TEKT5: variants seen among roughly 807,000 people sequenced by gnomAD.
TEKT5 encodes tektin-5.
A neutral mutation model predicts 48.7 loss-of-function variants in TEKT5; 52 were observed. That is an observed-to-expected ratio of 1.07 (90% CI 0.86 to 1.35). The LOEUF is 1.35. Ranked by LOEUF, TEKT5 falls within the 40% of genes most tolerant of loss-of-function variation. TEKT5 has a pLI of 0.00. For synonymous variants in TEKT5, 318 were observed against 267.6 expected, an observed-to-expected ratio of 1.19 and a Z score of -1.84; for missense variants, 831 against 641.6, an observed-to-expected ratio of 1.30 and a Z score of -3.19.
At chr16:10,646,903 G>C (rs182396668) in intron 5 of TEKT5, among the ~76,000 whole-genome samples, 1 of 152,198 alleles carries the variant, frequency 6.6e-6, no homozygotes, top group African/African-American at 2.4e-5. Context: ...AACACTCAAT[G>C]CGGCAACACC....
rs1349859378 is a variant in TEKT5, at chr16:10,627,537, C to T, written c.*46G>A. The T allele has an allele frequency of 6.3e-7, 1 of 1,598,200 alleles. No homozygotes were observed. Among genetic ancestry groups the T allele is most frequent in the Non-Finnish European group, 8.6e-7 (1 of 1,166,686 alleles). On this transcript the variant is annotated 3_prime_UTR_variant, in exon 7 of 7. Transcript: ENST00000283025. ...ATACTGTTTTACTTTGTTTCTCAGC[C>T]TTTTCCAATTTTACGCCAGCGCGGA...
chr16:10,660,603 C>T (rs906008521), intron 5 of TEKT5, among the ~76,000 whole-genome samples: 1 of 152,038 alleles, frequency 6.6e-6, no homozygotes, highest in East Asian at 1.9e-4. Flanking sequence ...CACACATGCC[C>T]AGAGCCGCCA....
chr16:10,681,978 G>A lies in TEKT5; in HGVS notation c.863+15C>T, dbSNP rs1429805669. On this transcript the variant is annotated intron_variant, in intron 4 of 6. Transcript: ENST00000283025. ...TGGACACGCCAGGGATGGGGAGGGG[G>A]AGTCTGATACTTACGTGCCGTCAAT... 3 of 1,612,712 alleles carry A rather than the reference G, an allele frequency of 1.9e-6. No individual in the cohort carries two copies. The highest frequency in any genetic ancestry group is 1.7e-5 in the Admixed American group (1 of 59,984).
intron 6 of TEKT5, among the ~76,000 whole-genome samples, chr16:10,632,883 C>G (rs373798538): frequency 6.8e-6 from 1 of 147,740 alleles, no homozygotes; most frequent in South Asian, 2.2e-4. Flanking sequence ...CACACACACA[C>G]ACACACACAC....
rs532327913 is a variant in TEKT5, at chr16:10,669,853, C to CA, written c.1086+6105dup. Among the ~76,000 whole-genome samples, 183 of 152,330 alleles carry CA rather than the reference C, an allele frequency of 1.2e-3. 1 individual carries two copies. Among genetic ancestry groups the CA allele is most frequent in the African/African-American group, 4.3e-3 (179 of 41,588 alleles). On this transcript the variant is annotated intron_variant, in intron 5 of 6. Coordinates refer to ENST00000283025, the MANE Select transcript of TEKT5 (RefSeq NM_144674.2). ...CAGAGGAATCAGCACTCAAAGGCAG[C>CA]AACCCACTCTGTGGCCACCAACTTC...
In TEKT5 at chr16:10,627,552, G is replaced by T; in HGVS notation, c.*31C>A. On this transcript the variant is annotated 3_prime_UTR_variant, in exon 7 of 7. Coordinates refer to ENST00000283025, the MANE Select transcript of TEKT5 (RefSeq NM_144674.2). ...GTTTCTCAGCCTTTTCCAATTTTAC[G>T]CCAGCGCGGAATGAGGCGCCAGGGC... The T allele has an allele frequency of 6.2e-7, 1 of 1,607,212 alleles. No homozygotes were observed. Among genetic ancestry groups the T allele is most frequent in the South Asian group, 1.1e-5 (1 of 90,918 alleles).
chr16:10,669,423 C>CA (rs1386443268), intron 5 of TEKT5, among the ~76,000 whole-genome samples: 2 of 152,134 alleles, frequency 1.3e-5, no homozygotes, highest in East Asian at 3.9e-4. Flanking sequence ...CGTGCCACTG[C>CA]ACTCCAGCCT....
chr16:10,650,871 T>C (rs1357668370), intron 5 of TEKT5, among the ~76,000 whole-genome samples: 1 of 138,686 alleles, frequency 7.2e-6, no homozygotes, highest in Non-Finnish European at 1.5e-5. Flanking sequence ...GGTGACAGAG[T>C]AAGACTCCAT....
intron 5 of TEKT5, among the ~76,000 whole-genome samples, chr16:10,673,542 C>T (rs1898585849): frequency 6.6e-6 from 1 of 152,066 alleles, no homozygotes. Context: ...AGGTATCTCA[C>T]CCTTTTCTGG....
rs1897903417 is a variant in TEKT5, at chr16:10,635,794, A to G, written c.1211T>C (p.Met404Thr). Residue 404 changes from methionine (M) to threonine (T), a missense_variant, in exon 6 of 7, where the codon ATG becomes ACG. By Grantham distance (81) the Met-to-Thr change is moderately conservative (BLOSUM62 -1). Transcript: ENST00000283025. ...RLECRTRRPN[M>T]ELCRDIPQLK... The stretch of plus-strand genomic sequence containing the variant: ...CTGCGGGATGTCCCTGCACAGCTCC[A>G]TGTTGGGGCGCCGGGTCCGGCACTC... The G allele has an allele frequency of 1.1e-5, 18 of 1,614,146 alleles. No homozygotes were observed. Among genetic ancestry groups the G allele is most frequent in the Non-Finnish European group, 1.4e-5 (17 of 1,180,016 alleles).
At chr16:10,682,165 C>G (rs1469457097) in intron 3 of TEKT5, 29 bp from the exon 4 acceptor site, 11 of 1,610,776 alleles carry the variant, frequency 6.8e-6, no homozygotes, top group Non-Finnish European at 9.3e-6. Context: ...CATTCCTGGA[C>G]TATGCACCTG....
At chr16:10,630,549 T>C (rs1323501770) in intron 6 of TEKT5, among the ~76,000 whole-genome samples, 3 of 152,158 alleles carry the variant, frequency 2.0e-5, no homozygotes, top group South Asian at 2.1e-4. Context: ...GCTGGACATG[T>C]TGAAGGCCAA....
chr16:10,666,640 C>A (rs532102885), intron 5 of TEKT5, among the ~76,000 whole-genome samples: 6 of 152,318 alleles, frequency 3.9e-5, no homozygotes, highest in Non-Finnish European at 7.3e-5. Flanking sequence ...AGAGAGGGAA[C>A]GCCTGCACAG....
intron 3 of TEKT5, among the ~76,000 whole-genome samples, chr16:10,684,225 C>A (rs1898813224): frequency 6.6e-6 from 1 of 152,150 alleles, no homozygotes; most frequent in South Asian, 2.1e-4. Flanking sequence ...GAGGGTATGT[C>A]AGACACCAGC....
chr16:10,635,534 T>G lies in TEKT5; in HGVS notation c.1241+230A>C, dbSNP rs1054050262. Among the ~76,000 whole-genome samples the G allele has an allele frequency of 3.3e-5, 5 of 152,070 alleles. No homozygotes were observed. In the East Asian group the frequency reaches 9.6e-4, roughly 29 times the overall value. The stretch of plus-strand genomic sequence containing the variant: ...GTTTAGGCAAGTGAGAAGACCACAG[T>G]GCACAGGGTGGGGCTCCCAGTGATG... On this transcript the variant is annotated intron_variant, in intron 6 of 6. Transcript: ENST00000283025.
At chr16:10,651,087 G>A (rs1898148847) in intron 5 of TEKT5, among the ~76,000 whole-genome samples, 1 of 152,138 alleles carries the variant, frequency 6.6e-6, no homozygotes, top group African/African-American at 2.4e-5. Context: ...GGAAGCCCAG[G>A]GGACCGTCAT....
chr16:10,655,920 A>G (rs1898253622), intron 5 of TEKT5, among the ~76,000 whole-genome samples: 2 of 152,160 alleles, frequency 1.3e-5, no homozygotes, highest in Admixed American at 1.3e-4. Flanking sequence ...ACTTACTTAA[A>G]CTGGTGTTAT....
At chr16:10,641,009 G>T (rs958803984) in intron 5 of TEKT5, among the ~76,000 whole-genome samples, 1 of 152,144 alleles carries the variant, frequency 6.6e-6, no homozygotes, top group African/African-American at 2.4e-5. Flanking sequence ...GGAATAGCTG[G>T]ATCATAGAAT....
At chr16:10,690,628 G>C (rs1898955181) in intron 1 of TEKT5, 1 of 985,292 alleles carries the variant, frequency 1.0e-6, no homozygotes, top group African/African-American at 1.7e-5. Context: ...CCTCTTTGCA[G>C]ATCTCCCAGT....
Sources: gnomAD v4.1 joint callset for allele counts (sites outside exome capture counted in the v4.1 genomes callset) on GRCh38, gnomAD v4.1.1 for gene constraint, MANE v1.5 for transcripts, NCBI Gene and HGNC (gene_info 2026-07-23, HGNC 2026-07-21) for gene names.